Variants in SAMD9L observed in about 807,000 individuals in gnomAD.
SAMD9L encodes the protein sterile alpha motif domain containing 9 like, also known as sterile alpha motif domain-containing protein 9-like.
SAMD9L carries 68 observed loss-of-function variants against 90.7 expected under a neutral mutation model. That is an observed-to-expected ratio of 0.75 (90% CI 0.62 to 0.92). The LOEUF (loss-of-function observed/expected upper bound fraction) is 0.92, where lower values mean the gene tolerates loss of function less well. Among genes scored for constraint, SAMD9L ranks in the 40% least tolerant of loss-of-function variants. SAMD9L has a pLI of 0.00. For synonymous variants in SAMD9L, 640 were observed against 630.1 expected, an observed-to-expected ratio of 1.02 and a Z score of -0.23; for missense variants, 1,604 against 1,824.3, an observed-to-expected ratio of 0.88 and a Z score of 2.20.
At position 93,132,712 on chromosome 7, in the gene SAMD9L, G is replaced by C; in HGVS notation, c.3260C>G (p.Ala1087Gly). ...TTTAATGTAGAAATGTCTTGCTAAG[G>C]CTTGACAAATGAATGCATTTTGTGG... ...RFPQNAFICQ[A>G]LARHFYIKEK... The change falls in exon 5 of 5, where the codon GCC (alanine) becomes GGC (glycine). Residue 1087 changes from alanine (A) to glycine (G), a missense_variant. Coordinates refer to ENST00000318238, the MANE Select transcript of SAMD9L (RefSeq NM_152703.5). 2.5e-6 allele frequency: 4 copies of C among 1,613,814 alleles called. No individual in the cohort carries two copies. The Admixed American group carries it at 5.0e-5, about 20-fold the overall frequency.
In SAMD9L at chr7:93,133,889, A is replaced by G; in HGVS notation, c.2083T>C (p.Trp695Arg). 6.2e-7 allele frequency: 1 copy of G among 1,613,836 alleles called. No individual in the cohort carries two copies. The highest frequency in any genetic ancestry group is 8.5e-7 in the Non-Finnish European group (1 of 1,179,854). ...EHFYRGGKVS[W>R]WNFYFSSENY... ...TCAGAAGAAAAATAGAAGTTCCACC[A>G]GGATACTTTGCCACCTCGATAAAAG... Residue 695 changes from tryptophan (W) to arginine (R), a missense_variant, in exon 5 of 5, where the codon TGG (tryptophan) becomes CGG (arginine). Trp to Arg is a moderately radical substitution (Grantham distance 101, BLOSUM62 -3). This residue lies in a region of SAMD9L where 606 missense variants were observed against 717.6 expected (regional missense o/e 0.84). Transcript: ENST00000318238.
Position 93,133,086 on chromosome 7 carries a change from G to C in SAMD9L, c.2886C>G (p.Asp962Glu). 2.5e-6 allele frequency: 4 copies of C among 1,613,048 alleles called. No homozygotes were observed. The highest frequency in any genetic ancestry group is 3.4e-6 in the Non-Finnish European group (4 of 1,179,308). ...STPWEPESLE[D>E]KMGTYSTLLI... ...GAAGTGTAGAATAAGTTCCCATCTT[G>C]TCTTCTAAGCTTTCAGGTTCCCAGG... is the stretch of plus-strand genomic sequence containing the variant. Residue 962 changes from aspartate (D) to glutamate (E), a missense_variant, in exon 5 of 5, where the codon GAC becomes GAG. Asp to Glu is a conservative substitution (Grantham distance 45, BLOSUM62 2). Coordinates refer to ENST00000318238, the MANE Select transcript of SAMD9L (RefSeq NM_152703.5).
chr7:93,138,053 G>T (rs1321053615), intron 4 of SAMD9L, among the ~76,000 whole-genome samples: 2 of 152,082 alleles, frequency 1.3e-5, no homozygotes, highest in Non-Finnish European at 2.9e-5. Context: ...TTGTCTTAGT[G>T]CCTTGAATTC....
rs760961972 is a variant in SAMD9L at position 93,135,814 on chromosome 7, T to G, written c.158A>C (p.Lys53Thr). ...TGGTAGCCCCATTTCTACAAGGTCC[T>G]TCTCAGTTAATTCCTGCAGGACTAA... The part of the protein sequence containing the change: ...TGLVLQELTE[K>T]DLVEMGLPWG... Residue 53 changes from lysine (K) to threonine (T), a missense_variant, in exon 5 of 5, where the codon AAG becomes ACG. Lys to Thr is a moderately conservative substitution (Grantham distance 78). This residue lies in a region of SAMD9L where 374 missense variants were observed against 363.6 expected (regional missense o/e 1.03). Coordinates refer to ENST00000318238, the MANE Select transcript of SAMD9L (RefSeq NM_152703.5). The G allele has an allele frequency of 3.7e-6, 6 of 1,614,082 alleles. No homozygotes were observed. Among genetic ancestry groups the G allele is most frequent in the South Asian group, 2.2e-5 (2 of 91,078 alleles).
chr7:93,133,173 A>G lies in SAMD9L; in HGVS notation c.2799T>C (p.Thr933=), dbSNP rs746480205. ...SFLALLSSYV[T]DSTISVSQCE... is the part of the protein sequence containing the mutation. The stretch of plus-strand genomic sequence containing the variant: ...ACTGTGAAACTGAAATTGTAGAGTC[A>G]GTAACATAAGAGCTGAGTAAAGCCA... Residue 933 remains threonine, a synonymous_variant, in exon 5 of 5, where the codon ACT becomes ACC. Coordinates refer to ENST00000318238, the MANE Select transcript of SAMD9L (RefSeq NM_152703.5). 4.3e-6 allele frequency: 7 copies of G among 1,613,458 alleles called. No individual in the cohort carries two copies. Among genetic ancestry groups the G allele is most frequent in the South Asian group, 1.1e-5 (1 of 91,072 alleles).
Position 93,133,477 on chromosome 7 carries a change from G to GT in SAMD9L, c.2494dup (p.Thr832AsnfsTer16), listed in dbSNP as rs1344505157. 3.1e-6 allele frequency: 5 copies of GT among 1,612,206 alleles called. No homozygotes were observed. Among genetic ancestry groups the GT allele is most frequent in the Non-Finnish European group, 4.2e-6 (5 of 1,179,018 alleles). On this transcript the variant is annotated frameshift_variant, in exon 5 of 5. Transcript: ENST00000318238. LOFTEE classifies it high-confidence loss of function. ...CATGCAGTTTAAGATAATTACCAAT[G>GT]TTTTTTCATATCGCAAATCCTTTTC...
intron 1 of SAMD9L, among the ~76,000 whole-genome samples, chr7:93,147,632 C>T (rs1792943550): frequency 6.6e-6 from 1 of 152,218 alleles, no homozygotes; most frequent in African/African-American, 2.4e-5. Flanking sequence ...CATAGTCTGG[C>T]AGACAGAAGC....
In SAMD9L at chr7:93,134,997, C is replaced by T; in HGVS notation, c.975G>A (p.Met325Ile). The T allele has an allele frequency of 6.2e-7, 1 of 1,613,060 alleles. No homozygotes were observed. Among genetic ancestry groups the T allele is most frequent in the Non-Finnish European group, 8.5e-7 (1 of 1,179,110 alleles). ...ICNDKYFYIQ[M>I]QICKDKIWKQ... Reference sequence around the variant, plus strand: ...TCCATATTTTATCTTTACAAATTTGCATCTGAATGTAGAAATACTTATCAT... The same window carrying T: ...TCCATATTTTATCTTTACAAATTTGTATCTGAATGTAGAAATACTTATCAT... Residue 325 changes from methionine to isoleucine, a missense_variant, in exon 5 of 5, where the codon ATG (methionine) becomes ATA (isoleucine). This residue lies in a region of SAMD9L where 374 missense variants were observed against 363.6 expected (regional missense o/e 1.03). Coordinates refer to ENST00000318238, the MANE Select transcript of SAMD9L (RefSeq NM_152703.5).
chr7:93,131,148 G>A lies in SAMD9L; in HGVS notation c.*69C>T, dbSNP rs1792068979. ...CCATAATGTTATGAAAGTGCCATGA[G>A]AATAGAGAGAGAGAATAAAATCATA... is the stretch of plus-strand genomic sequence containing the variant. On this transcript the variant is annotated 3_prime_UTR_variant, in exon 5 of 5. Coordinates refer to ENST00000318238, the MANE Select transcript of SAMD9L (RefSeq NM_152703.5). The A allele has an allele frequency of 9.7e-7, 1 of 1,032,926 alleles. No individual in the cohort carries two copies. The highest frequency in any genetic ancestry group is 1.4e-6 in the Non-Finnish European group (1 of 729,490). The allele number at this position is 1,032,926 out of a possible 1,614,324, so 64.0% of individuals were successfully genotyped here.
At position 93,132,591 on chromosome 7, in the gene SAMD9L, G is replaced by T. The variant is rs768988345; in HGVS notation, c.3381C>A (p.Tyr1127Ter). Residue 1127 changes from tyrosine (Y) to a stop codon, truncating the protein, a stop_gained, in exon 5 of 5, where the codon TAC (tyrosine) becomes TAA (stop). Coordinates refer to ENST00000318238, the MANE Select transcript of SAMD9L (RefSeq NM_152703.5). LOFTEE classifies it high-confidence loss of function. ...CCAACCACCATTTGATTTCACTTTTGTAGACTTGACCTAGTGTATCTGAAA... is the reference window on the plus strand; with the variant it reads ...CCAACCACCATTTGATTTCACTTTTTTAGACTTGACCTAGTGTATCTGAAA... ...SYISDTLGQVYKSEIKWWLDG... is the reference protein window; with the variant it reads ...SYISDTLGQV The T allele has an allele frequency of 6.2e-7, 1 of 1,613,746 alleles. No individual in the cohort carries two copies. The highest frequency in any genetic ancestry group is 8.5e-7 in the Non-Finnish European group (1 of 1,179,816).
chr7:93,132,291 A>G lies in SAMD9L; in HGVS notation c.3681T>C (p.His1227=). Residue 1227 remains histidine (H), a synonymous_variant, in exon 5 of 5, where the codon CAT becomes CAC. Coordinates refer to ENST00000318238, the MANE Select transcript of SAMD9L (RefSeq NM_152703.5). Reference sequence around the variant, plus strand: ...ACTTTCCTGATAAAAATTGCACCATATGTTTTTTGGATAATTCATTTTCTT... The same window carrying G: ...ACTTTCCTGATAAAAATTGCACCATGTGTTTTTTGGATAATTCATTTTCTT... The part of the protein sequence containing the change: ...FHKENELSKK[H]MVQFLSGKWT... 6.2e-7 allele frequency: 1 copy of G among 1,613,764 alleles called. No homozygotes were observed. Among genetic ancestry groups the G allele is most frequent in the Non-Finnish European group, 8.5e-7 (1 of 1,179,820 alleles).
Position 93,136,901 on chromosome 7 carries a change from C to G in SAMD9L, c.-20-910G>C, listed in dbSNP as rs1466945504. Among the ~76,000 whole-genome samples the G allele has an allele frequency of 7.9e-5, 12 of 152,154 alleles. 1 individual carries two copies. The highest frequency in any genetic ancestry group is 7.9e-4 in the Admixed American group (12 of 15,272). On this transcript the variant is annotated intron_variant, in intron 4 of 4. Coordinates refer to ENST00000318238, the MANE Select transcript of SAMD9L (RefSeq NM_152703.5). ...TGCCTTGGTGCATCTACTGTGCAGA[C>G]AAGACCAACAGCAGTGGTTCTTAAG...
intron 4 of SAMD9L, among the ~76,000 whole-genome samples, chr7:93,137,483 A>T (rs1179529753): frequency 6.6e-6 from 1 of 151,956 alleles, no homozygotes; most frequent in Non-Finnish European, 1.5e-5. Context: ...TTGCAGGAAA[A>T]CAAGCTCAGG....
intron 1 of SAMD9L, among the ~76,000 whole-genome samples, chr7:93,147,649 A>G (rs987670489): frequency 3.9e-5 from 6 of 152,226 alleles, no homozygotes; most frequent in African/African-American, 1.2e-4. Flanking sequence ...AAGCCACACA[A>G]GCAAGTTAGT....
Position 93,132,204 on chromosome 7 carries a change from G to A in SAMD9L, c.3768C>T (p.His1256=), listed in dbSNP as rs761242992. 6.2e-7 allele frequency: 1 copy of A among 1,613,692 alleles called. No individual in the cohort carries two copies. Among genetic ancestry groups the A allele is most frequent in the South Asian group, 1.1e-5 (1 of 91,048 alleles). Reference sequence around the variant, plus strand: ...TCAGATCTGATTGTAAATTTTTTAGGTGGGATGTGAACTTGCTAAGAGCCA... The same window carrying A: ...TCAGATCTGATTGTAAATTTTTTAGATGGGATGTGAACTTGCTAAGAGCCA... The part of the protein sequence containing the change: ...CYLALSKFTS[H]LKNLQSDLKR... Residue 1256 remains histidine (H), a synonymous_variant, in exon 5 of 5, where the codon CAC becomes CAT. Coordinates refer to ENST00000318238, the MANE Select transcript of SAMD9L (RefSeq NM_152703.5).
rs768827247 is a variant in SAMD9L at position 93,131,179 on chromosome 7, A to G, written c.*38T>C. On this transcript the variant is annotated 3_prime_UTR_variant, in exon 5 of 5. Transcript: ENST00000318238. ...AGAGAGAGAATAAAATCATAAAGAT[A>G]TAAATAAACGTATTTGAACTACAGG... The G allele has an allele frequency of 5.2e-6, 6 of 1,156,018 alleles. No individual in the cohort carries two copies. Among genetic ancestry groups the G allele is most frequent in the African/African-American group, 1.6e-5 (1 of 64,468 alleles). The allele number at this position is 1,156,018 out of a possible 1,614,324, so 71.6% of individuals were successfully genotyped here.
chr7:93,144,248 A>G (rs1792804920), intron 4 of SAMD9L, among the ~76,000 whole-genome samples: 1 of 152,196 alleles, frequency 6.6e-6, no homozygotes, highest in Admixed American at 6.5e-5. Context: ...TTTGAAACAC[A>G]GAGTTCTCTT....
At chr7:93,144,334 GA>G (rs370076394) in intron 4 of SAMD9L, among the ~76,000 whole-genome samples, 10 of 150,460 alleles carry the variant, frequency 6.6e-5, no homozygotes, top group South Asian at 2.1e-4. Flanking sequence ...GAAAATATTT[GA>G]AAAAAAAATT....
At chr7:93,139,569 A>G (rs1051556327) in intron 4 of SAMD9L, among the ~76,000 whole-genome samples, 19 of 152,184 alleles carry the variant, frequency 1.2e-4, no homozygotes, top group Non-Finnish European at 2.5e-4. Context: ...GATTGCCAGC[A>G]TGCTACTGTG....
Sources: allele counts gnomAD v4.1 joint callset (sites outside exome capture counted in the v4.1 genomes callset), GRCh38; gene constraint gnomAD v4.1.1; regional missense constraint gnomAD v4.1.1; transcripts MANE v1.5; gene names NCBI Gene and HGNC (gene_info 2026-07-23, HGNC 2026-07-21).